ASTN1: variants seen among roughly 807,000 people sequenced by gnomAD.
ASTN1 encodes the protein astrotactin-1.
Under a neutral mutation model 140.7 loss-of-function variants are expected in ASTN1, and 41 were observed. The observed-to-expected ratio is 0.29, with a 90% CI of 0.23 to 0.38. ASTN1 has a LOEUF of 0.38. Among genes scored for constraint, ASTN1 ranks in the 10% least tolerant of loss-of-function variants. The pLI, the probability that ASTN1 is intolerant of heterozygous loss-of-function variation, is 1.00. For synonymous variants in ASTN1, 640 were observed against 652.2 expected (o/e 0.98, Z 0.29); for missense variants, 1,479 against 1,678.8 (o/e 0.88, Z 2.08).
rs998825540 is a variant in ASTN1 at position 176,863,777 on chromosome 1, G to A, written c.*507C>T. 1 of 987,696 alleles carries A rather than the reference G, an allele frequency of 1.0e-6. No homozygotes were observed. The allele number at this position is 987,696 out of a possible 1,614,324, so 61.2% of individuals were successfully genotyped here. On this transcript the variant is annotated 3_prime_UTR_variant, in exon 23 of 23. Coordinates refer to ENST00000361833, the MANE Select transcript of ASTN1 (RefSeq NM_004319.3). ...GGGCCACCTTCCTCAATTTTCTATT[G>A]TCTCTCTCTGTGAGCAGGGCCAAGG...
At chr1:176,993,102 T>A (rs949041159) in intron 8 of ASTN1, among the ~76,000 whole-genome samples, 8 of 152,212 alleles carry the variant, frequency 5.3e-5, no homozygotes, top group Non-Finnish European at 1.0e-4. Context: ...GCAGTGCTAG[T>A]GCCCTGATCT....
At chr1:177,071,600 C>T (rs1012409919) in intron 1 of ASTN1, among the ~76,000 whole-genome samples, 20 of 152,272 alleles carry the variant, frequency 1.3e-4, no homozygotes, top group African/African-American at 4.3e-4. Context: ...CTGAGCACTG[C>T]CTTCTTGCAC....
At chr1:177,014,639 T>C in intron 8 of ASTN1, 152 bp downstream of exon 8, 1 of 646,790 alleles carries the variant, frequency 1.5e-6, no homozygotes, top group Non-Finnish European at 2.7e-6. Context: ...ATGGTATAAA[T>C]ATGGAAAGGC....
chr1:176,909,447 G>A (rs1216900610), intron 16 of ASTN1, among the ~76,000 whole-genome samples: 1 of 152,168 alleles, frequency 6.6e-6, no homozygotes, highest in Non-Finnish European at 1.5e-5. Context: ...TTCTCTCTAG[G>A]AGTTGGGTGA....
intron 5 of ASTN1, among the ~76,000 whole-genome samples, chr1:177,024,952 C>T (rs934310601): frequency 2.0e-5 from 3 of 152,144 alleles, no homozygotes; most frequent in Non-Finnish European, 2.9e-5. Flanking sequence ...TGGTGGCCCT[C>T]CAGGTCAATA....
intron 21 of ASTN1, among the ~76,000 whole-genome samples, chr1:176,872,136 T>C (rs778219256): frequency 2.6e-5 from 4 of 151,996 alleles, no homozygotes; most frequent in African/African-American, 4.8e-5. Context: ...CAATGATGGT[T>C]AATAATACAT....
intron 16 of ASTN1, among the ~76,000 whole-genome samples, chr1:176,909,584 C>A (rs150610151): frequency 2.6e-5 from 4 of 152,220 alleles, no homozygotes; most frequent in African/African-American, 9.6e-5. Flanking sequence ...CCAAGCCAAC[C>A]TTTTTTGTTA....
chr1:176,983,490 C>A (rs1024332813), intron 8 of ASTN1, among the ~76,000 whole-genome samples: 5 of 152,192 alleles, frequency 3.3e-5, no homozygotes, highest in Non-Finnish European at 7.3e-5. Flanking sequence ...ATATTTTCCC[C>A]AAATGCTTCT....
chr1:176,864,143 G>C lies in ASTN1; in HGVS notation c.*141C>G, dbSNP rs1268278130. 1 of 1,493,058 alleles carries C rather than the reference G, an allele frequency of 6.7e-7. No homozygotes were observed. Among genetic ancestry groups the C allele is most frequent in the Admixed American group, 2.3e-5 (1 of 43,926 alleles). The allele number at this position is 1,493,058 out of a possible 1,614,324, so 92.5% of individuals were successfully genotyped here. On this transcript the variant is annotated 3_prime_UTR_variant, in exon 23 of 23. Transcript: ENST00000361833. ...ACTGAAGAAGTTCTGCAGGGAGCAA[G>C]GATCACTTTCTCCCTGGTTTCGATG...
At chr1:177,126,292 G>T (rs915465581) in intron 1 of ASTN1, among the ~76,000 whole-genome samples, 1 of 152,138 alleles carries the variant, frequency 6.6e-6, no homozygotes, top group African/African-American at 2.4e-5. Context: ...GTTGACCTGA[G>T]CCAGCATGGC....
At chr1:176,909,509 T>C (rs938203079) in intron 16 of ASTN1, among the ~76,000 whole-genome samples, 2 of 152,174 alleles carry the variant, frequency 1.3e-5, no homozygotes, top group African/African-American at 2.4e-5. Flanking sequence ...CTGCTGATCA[T>C]CCTGAGCTTT....
At position 176,913,489 on chromosome 1, in the gene ASTN1, CAT is replaced by C. The variant is rs1286948292; in HGVS notation, c.2672-18661_2672-18660del. On this transcript the variant is annotated intron_variant, in intron 16 of 22. Transcript: ENST00000361833. ...CTATGTGGGATACAAGACTAACAAA[CAT>C]GTGATAATAGTAATAATAACAGCTG... Among the ~76,000 whole-genome samples, 4 of 152,088 alleles carry C rather than the reference CAT, an allele frequency of 2.6e-5. 1 individual carries two copies. Among genetic ancestry groups the C allele is most frequent in the South Asian group, 4.1e-4 (2 of 4,826 alleles).
At chr1:177,002,416 C>CACACAT (rs1310139092) in intron 8 of ASTN1, among the ~76,000 whole-genome samples, 2 of 147,794 alleles carry the variant, frequency 1.4e-5, no homozygotes, top group African/African-American at 5.0e-5. Flanking sequence ...CACACACACA[C>CACACAT]ATGAACAAAT....
chr1:177,127,486 T>C (rs1336557201), intron 1 of ASTN1, among the ~76,000 whole-genome samples: 2 of 152,170 alleles, frequency 1.3e-5, no homozygotes, highest in Non-Finnish European at 2.9e-5. Flanking sequence ...GCAGCTACCA[T>C]ACACCTCACC....
chr1:177,137,985 T>G (rs1682278615), intron 1 of ASTN1, among the ~76,000 whole-genome samples: 3 of 152,028 alleles, frequency 2.0e-5, no homozygotes, highest in Admixed American at 2.0e-4. Context: ...CCATCCAGGG[T>G]ACCAAGGGCA....
intron 3 of ASTN1, among the ~76,000 whole-genome samples, chr1:177,032,060 C>T (rs184488104): frequency 5.9e-5 from 9 of 152,280 alleles, no homozygotes; most frequent in South Asian, 2.1e-4. Context: ...CTGTCCCCTC[C>T]GCTTCAATGG....
intron 8 of ASTN1, among the ~76,000 whole-genome samples, chr1:177,004,301 C>T (rs1221915084): frequency 6.6e-6 from 1 of 151,988 alleles, no homozygotes; most frequent in African/African-American, 2.4e-5. Flanking sequence ...CTACAAAACA[C>T]TGCTAAAAGA....
chr1:177,103,547 T>C (rs1680400744), intron 1 of ASTN1, among the ~76,000 whole-genome samples: 1 of 152,088 alleles, frequency 6.6e-6, no homozygotes, highest in African/African-American at 2.4e-5. Context: ...GAGGATACAC[T>C]GAGCTACAGA....
intron 1 of ASTN1, among the ~76,000 whole-genome samples, chr1:177,127,488 C>T (rs1000845139): frequency 5.9e-5 from 9 of 152,190 alleles, no homozygotes; most frequent in Admixed American, 2.0e-4. Flanking sequence ...AGCTACCATA[C>T]ACCTCACCCA....
Sources: allele counts gnomAD v4.1 joint callset (sites outside exome capture counted in the v4.1 genomes callset), GRCh38; gene constraint gnomAD v4.1.1; transcripts MANE v1.5; gene names NCBI Gene and HGNC (gene_info 2026-07-23, HGNC 2026-07-21).